SNX21: variants seen among roughly 807,000 people sequenced by gnomAD.
SNX21 encodes the protein sorting nexin family member 21.
SNX21 carries 36 observed loss-of-function variants against 30.9 expected under a neutral mutation model. The observed-to-expected ratio is 1.16, with a 90% CI of 0.89 to 1.54. SNX21 has a LOEUF of 1.54. Among genes scored for constraint, SNX21 ranks in the 40% most tolerant of loss-of-function variants. The probability of loss-of-function intolerance (pLI) is 0.00; values close to 1 mark genes in which losing one functional copy is unlikely to be tolerated. For synonymous variants in SNX21, 218 were observed against 222.7 expected, an observed-to-expected ratio of 0.98 and a Z score of 0.19; for missense variants, 508 against 516.5, an observed-to-expected ratio of 0.98 and a Z score of 0.16.
chr20:45,839,036 G>A (rs921993017), intron 3 of SNX21, among the ~76,000 whole-genome samples: 7 of 151,908 alleles, frequency 4.6e-5, no homozygotes, highest in Non-Finnish European at 8.8e-5. Context: ...TGGGATTACA[G>A]GCATGTGCCA....
In SNX21 at chr20:45,842,278, G is replaced by A. The variant is rs1984256399; in HGVS notation, c.*965G>A. On this transcript the variant is annotated 3_prime_UTR_variant, in exon 4 of 4. Coordinates refer to ENST00000491381, the MANE Select transcript of SNX21 (RefSeq NM_033421.4). ...TCATTGAGGGGTAACTCCTCCCACA[G>A]GAACCCCAGTTGACAGTTTAAAAGC... The A allele has an allele frequency of 1.4e-6, 2 of 1,428,486 alleles. No individual in the cohort carries two copies. Among genetic ancestry groups the A allele is most frequent in the Non-Finnish European group, 1.8e-6 (2 of 1,096,942 alleles). 88.5% of individuals were successfully genotyped at this position (1,428,486 alleles called of 1,614,324 possible). A position where few individuals can be genotyped will look rare whatever the true frequency, so the allele number is the denominator to read the frequency against.
chr20:45,840,330 G>A, intron 3 of SNX21: 2 of 1,540,680 alleles, frequency 1.3e-6, no homozygotes, highest in Non-Finnish European at 1.7e-6. Context: ...AGAGGGGGCT[G>A]TCAGAAGAAC....
chr20:45,840,433 C>T (rs1011109379), intron 3 of SNX21: 6 of 1,614,112 alleles, frequency 3.7e-6, no homozygotes, highest in African/African-American at 1.3e-5. Context: ...CTGCCTTGGG[C>T]CTGGGTCATT....
rs2096131464 is a variant in SNX21 at position 45,843,166 on chromosome 20, G to A, written c.*1853G>A. 10 of 606,180 alleles carry A rather than the reference G, an allele frequency of 1.6e-5. No homozygotes were observed. Among genetic ancestry groups the A allele is most frequent in the Non-Finnish European group, 2.2e-5 (9 of 406,824 alleles). 37.6% of individuals were successfully genotyped at this position (606,180 alleles called of 1,614,324 possible). On this transcript the variant is annotated 3_prime_UTR_variant, in exon 4 of 4. Transcript: ENST00000491381. ...TCCCCAAATGGCAGTCTGATGGACTGCGGGTTTGGATACCACTGCTGTAAT... is the reference window on the plus strand; with the variant it reads ...TCCCCAAATGGCAGTCTGATGGACTACGGGTTTGGATACCACTGCTGTAAT...
chr20:45,840,115 C>G, intron 3 of SNX21: 1 of 984,860 alleles, frequency 1.0e-6, no homozygotes, highest in Non-Finnish European at 1.2e-6. Context: ...AGTAGCTGAC[C>G]TGGGGTTAGA....
In SNX21 at chr20:45,842,733, G is replaced by A. The variant is rs765200560; in HGVS notation, c.*1420G>A. ...CAGACCAGGACTGAAATCCAGAGAG[G>A]GTCAGGAATTTGGCCCCATGATGAA... On this transcript the variant is annotated 3_prime_UTR_variant, in exon 4 of 4. Transcript: ENST00000491381. 14 of 989,286 alleles carry A rather than the reference G, an allele frequency of 1.4e-5. No individual in the cohort carries two copies. Among genetic ancestry groups the A allele is most frequent in the Non-Finnish European group, 1.7e-5 (14 of 832,352 alleles). 61.3% of individuals were successfully genotyped at this position (989,286 alleles called of 1,614,324 possible).
Position 45,834,398 on chromosome 20 carries a change from GGACGAGGAC to G in SNX21, c.228_236del (p.Asp76_Glu78del). 6.3e-7 allele frequency: 1 copy of G among 1,599,268 alleles called. No individual in the cohort carries two copies. The highest frequency in any genetic ancestry group is 1.7e-4 in the Middle Eastern group (1 of 6,058). On this transcript the variant is annotated inframe_deletion, in exon 2 of 4. Transcript: ENST00000491381. ...GCGCCGAGGACGACGAGGACGACGA[GGACGAGGAC>G]GACGAGGAGGCTGGCCCTGACCAGC...
Position 45,841,666 on chromosome 20 carries a change from T to C in SNX21, c.*353T>C, listed in dbSNP as rs1393454468. The C allele has an allele frequency of 7.0e-7, 1 of 1,419,884 alleles. No individual in the cohort carries two copies. Among genetic ancestry groups the C allele is most frequent in the African/African-American group, 1.4e-5 (1 of 69,334 alleles). 88.0% of individuals were successfully genotyped at this position (1,419,884 alleles called of 1,614,324 possible). On this transcript the variant is annotated 3_prime_UTR_variant, in exon 4 of 4. Transcript: ENST00000491381. The stretch of plus-strand genomic sequence containing the variant: ...GACTCTGCCCCTGGAGTCCTGGAGT[T>C]AAGGGATGAAGGCAAGGCTGCAGGT...
rs1984288504 is a variant in SNX21, at chr20:45,842,485, AT to A, written c.*1173del. 1 of 1,027,246 alleles carries A rather than the reference AT, an allele frequency of 9.7e-7. No homozygotes were observed. The highest frequency in any genetic ancestry group is 3.9e-5 in the South Asian group (1 of 25,500). 63.6% of individuals were successfully genotyped at this position (1,027,246 alleles called of 1,614,324 possible). ...CTCCAAGTGGTAATTCATGAAAAAT[AT>A]CCCCACTACCACCACCAAGGGGAAG... On this transcript the variant is annotated 3_prime_UTR_variant, in exon 4 of 4. Coordinates refer to ENST00000491381, the MANE Select transcript of SNX21 (RefSeq NM_033421.4).
intron 3 of SNX21, among the ~76,000 whole-genome samples, chr20:45,836,794 C>T (rs8120614): frequency 1.8e-4 from 28 of 152,098 alleles, no homozygotes; most frequent in Non-Finnish European, 3.5e-4. Flanking sequence ...GAAGGGATGA[C>T]AAGATAGAGC....
chr20:45,835,183 C>T, intron 3 of SNX21, 67 bp downstream of exon 3: 4 of 1,506,314 alleles, frequency 2.7e-6, no homozygotes, highest in Non-Finnish European at 3.6e-6. Flanking sequence ...GTAGGGAAGA[C>T]CCCAACTTCC....
chr20:45,834,198 C>T lies in SNX21; in HGVS notation c.22-3C>T. 1 of 1,511,278 alleles carries T rather than the reference C, an allele frequency of 6.6e-7. No homozygotes were observed. The highest frequency in any genetic ancestry group is 8.8e-7 in the Non-Finnish European group (1 of 1,139,814). The allele number at this position is 1,511,278 out of a possible 1,614,324, so 93.6% of individuals were successfully genotyped here. A position where few individuals can be genotyped will look rare whatever the true frequency, so the allele number is the denominator to read the frequency against. Reference sequence around the variant, plus strand: ...GGTACACAGCGTCGCGCGCTCCCCCCAGGGTGCCATGGCCTCCCGGCTCCT... The same window carrying T: ...GGTACACAGCGTCGCGCGCTCCCCCTAGGGTGCCATGGCCTCCCGGCTCCT... On this transcript the variant is annotated splice_polypyrimidine_tract_variant and splice_region_variant and intron_variant, in intron 1 of 3. Coordinates refer to ENST00000491381, the MANE Select transcript of SNX21 (RefSeq NM_033421.4).
chr20:45,833,918 G>C lies in SNX21; in HGVS notation c.-2G>C, dbSNP rs1004655386. On this transcript the variant is annotated 5_prime_UTR_variant, in exon 1 of 4. It removes the in-frame stop codon of an upstream open reading frame in the 5' UTR. Transcript: ENST00000491381. ...GACCCCTGGGGCGCGGCGCGCCCCTGAATGCACCGTGGGACGCAGGAGGTA... is the reference window on the plus strand; with the variant it reads ...GACCCCTGGGGCGCGGCGCGCCCCTCAATGCACCGTGGGACGCAGGAGGTA... 4.9e-6 allele frequency: 7 copies of C among 1,423,272 alleles called. No homozygotes were observed. In the Admixed American group the frequency reaches 2.3e-4, roughly 46 times the overall value. 88.2% of individuals were successfully genotyped at this position (1,423,272 alleles called of 1,614,324 possible).
rs1057227638 is a variant in SNX21, at chr20:45,843,004, G to A, written c.*1691G>A. On this transcript the variant is annotated 3_prime_UTR_variant, in exon 4 of 4. Transcript: ENST00000491381. The stretch of plus-strand genomic sequence containing the variant: ...AGGAAGGTCCAAGCAGGCCCTTAGG[G>A]ACCACTGAATGCCCCGATCCCAATC... 1.8e-5 allele frequency: 19 copies of A among 1,078,914 alleles called. No homozygotes were observed. The highest frequency in any genetic ancestry group is 4.8e-5 in the Admixed American group (1 of 21,012). 66.8% of individuals were successfully genotyped at this position (1,078,914 alleles called of 1,614,324 possible).
chr20:45,839,533 A>G (rs932120689), intron 3 of SNX21, among the ~76,000 whole-genome samples: 2 of 151,896 alleles, frequency 1.3e-5, no homozygotes, highest in Non-Finnish European at 2.9e-5. Flanking sequence ...CAAAAAAAAT[A>G]AAAAAATAAA....
At chr20:45,835,456 T>C (rs1983451852) in intron 3 of SNX21, among the ~76,000 whole-genome samples, 1 of 152,160 alleles carries the variant, frequency 6.6e-6, no homozygotes, top group Non-Finnish European at 1.5e-5. Context: ...TGGGTCAAAC[T>C]TGAGATCCAA....
chr20:45,839,323 G>C (rs983026222), intron 3 of SNX21, among the ~76,000 whole-genome samples: 1 of 152,076 alleles, frequency 6.6e-6, no homozygotes, highest in Non-Finnish European at 1.5e-5. Context: ...AGACCATCCT[G>C]GCTAACACAG....
chr20:45,836,677 C>G (rs1157836586), intron 3 of SNX21, among the ~76,000 whole-genome samples: 3 of 151,956 alleles, frequency 2.0e-5, no homozygotes, highest in African/African-American at 7.3e-5. Context: ...ATGATGAAGT[C>G]TGAAGTGGCA....
intron 3 of SNX21, among the ~76,000 whole-genome samples, chr20:45,837,822 G>A (rs527605850): frequency 6.6e-6 from 1 of 151,136 alleles, no homozygotes; most frequent in African/African-American, 2.4e-5. Context: ...GCCCAGGCTG[G>A]AGTGCAGTGG....
Sources: allele counts gnomAD v4.1 joint callset (sites outside exome capture counted in the v4.1 genomes callset), GRCh38; gene constraint gnomAD v4.1.1; transcripts MANE v1.5; gene names NCBI Gene and HGNC (gene_info 2026-07-23, HGNC 2026-07-21).